Variants in SNX29 observed in about 807,000 individuals in gnomAD.
The protein encoded by SNX29 is sorting nexin-29.
A neutral mutation model predicts 102.1 loss-of-function variants in SNX29; 78 were observed. The ratio of observed to expected loss-of-function variants is 0.76; its 90% CI spans 0.64 to 0.92. The LOEUF (loss-of-function observed/expected upper bound fraction) is 0.92. Among genes scored for constraint, SNX29 ranks in the 40% least tolerant of loss-of-function variants. The probability of loss-of-function intolerance (pLI) is 0.00; values close to 1 mark genes in which losing one functional copy is unlikely to be tolerated. For missense variants in SNX29, 1,280 were observed against 1,061.7 expected (o/e 1.21, Z -2.86); for synonymous variants, 580 against 414.5 (o/e 1.40, Z -4.85).
At chr16:12,199,823 AAATT>A (rs1472892132) in intron 14 of SNX29, 140 bp downstream of exon 14, 10 of 703,634 alleles carry the variant, frequency 1.4e-5, no homozygotes, top group South Asian at 4.0e-5. Context: ...GCGTTCCAGA[AAATT>A]AATCAGGTGG....
rs532209110 is a variant in SNX29, at chr16:12,486,560, T to C, written c.2178+8701T>C. 2.0e-5 allele frequency among the ~76,000 whole-genome samples: 3 copies of C among 152,388 alleles called. No individual in the cohort carries two copies. The South Asian group carries it at 6.2e-4, about 32-fold the overall frequency. On this transcript the variant is annotated intron_variant, in intron 19 of 20. Coordinates refer to ENST00000566228, the MANE Select transcript of SNX29 (RefSeq NM_032167.5). ...TCGCTTGGCAGCGTCAAGGCTGATA[T>C]CTGGGCCCAGGCAGGTGATCTGCCT...
intron 3 of SNX29, among the ~76,000 whole-genome samples, chr16:12,005,161 C>T (rs192965448): frequency 2.0e-5 from 3 of 152,272 alleles, no homozygotes; most frequent in South Asian, 2.1e-4. Context: ...TTGTGCCTGT[C>T]GTACATTAGA....
At chr16:12,326,153 C>T (rs530220764) in intron 15 of SNX29, among the ~76,000 whole-genome samples, 135 of 151,964 alleles carry the variant, frequency 8.9e-4, no homozygotes, top group African/African-American at 3.0e-3. Context: ...GGACTACATG[C>T]ACGTGCCACC....
intron 19 of SNX29, among the ~76,000 whole-genome samples, chr16:12,487,333 G>A (rs997870366): frequency 6.6e-6 from 1 of 152,218 alleles, no homozygotes; most frequent in Non-Finnish European, 1.5e-5. Context: ...CTCAAAGCCA[G>A]TGTTTCCATG....
Position 12,560,581 on chromosome 16 carries a change from C to T in SNX29, c.2319-7925C>T, listed in dbSNP as rs182408954. ...TCAGTGTGATTCCTTGGGGTCTGTC[C>T]ATCTGTACCTCTCATAAAGCAGCAA... On this transcript the variant is annotated intron_variant, in intron 20 of 20. Coordinates refer to ENST00000566228, the MANE Select transcript of SNX29 (RefSeq NM_032167.5). 4.5e-4 allele frequency among the ~76,000 whole-genome samples: 69 copies of T among 152,280 alleles called. 1 individual carries two copies. In the East Asian group the frequency reaches 9.6e-3, roughly 21 times the overall value.
rs142843002 is a variant in SNX29 at position 12,241,250 on chromosome 16, C to G, written c.1679-36683C>G. Among the ~76,000 whole-genome samples, 3 of 152,148 alleles carry G rather than the reference C, an allele frequency of 2.0e-5. No individual in the cohort carries two copies. In the East Asian group the frequency reaches 5.8e-4, roughly 29 times the overall value. On this transcript the variant is annotated intron_variant, in intron 14 of 20. Coordinates refer to ENST00000566228, the MANE Select transcript of SNX29 (RefSeq NM_032167.5). ...TCTTGTCTGGCATTGGCCTGGTAGTCTCTTAGAATTCATTGTTGTGAACAA... is the reference window on the plus strand; with the variant it reads ...TCTTGTCTGGCATTGGCCTGGTAGTGTCTTAGAATTCATTGTTGTGAACAA...
chr16:12,014,189 T>C (rs1227670995), intron 3 of SNX29, among the ~76,000 whole-genome samples: 1 of 152,144 alleles, frequency 6.6e-6, no homozygotes, highest in African/African-American at 2.4e-5. Context: ...CCATTGACTA[T>C]TGGCTTCATG....
intron 20 of SNX29, among the ~76,000 whole-genome samples, chr16:12,556,933 G>A (rs2078394296): frequency 1.8e-5 from 1 of 55,746 alleles, no homozygotes; most frequent in Admixed American, 1.3e-4. Context: ...GCTCACTACA[G>A]CCTCTGCCGC....
At chr16:12,494,045 G>T (rs2088684146) in intron 19 of SNX29, among the ~76,000 whole-genome samples, 1 of 152,024 alleles carries the variant, frequency 6.6e-6, no homozygotes, top group Non-Finnish European at 1.5e-5. Context: ...TTGTTTCTAG[G>T]ATCATTTTAT....
chr16:12,402,840 C>T (rs1228992755), intron 17 of SNX29, among the ~76,000 whole-genome samples: 3 of 152,130 alleles, frequency 2.0e-5, no homozygotes, highest in Admixed American at 6.6e-5. Flanking sequence ...GGTATTTGTA[C>T]CCATCAGCCT....
chr16:12,280,304 C>T (rs1358577781), intron 15 of SNX29, among the ~76,000 whole-genome samples: 2 of 152,176 alleles, frequency 1.3e-5, no homozygotes, highest in African/African-American at 2.4e-5. Flanking sequence ...TGTCACCACC[C>T]GCTTTGCTTT....
At chr16:12,455,911 C>A (rs1309728039) in intron 18 of SNX29, among the ~76,000 whole-genome samples, 1 of 152,168 alleles carries the variant, frequency 6.6e-6, no homozygotes, top group Non-Finnish European at 1.5e-5. Flanking sequence ...ACCCATCTAG[C>A]ACCCGTTGGG....
Position 12,078,874 on chromosome 16 carries a change from G to T in SNX29, c.1361G>T (p.Ser454Ile), listed in dbSNP as rs1457949097. Reference protein sequence around the residue: ...SSPGHGSPLSSLLPSASVPES... With the variant: ...SSPGHGSPLSILLPSASVPES... Reference sequence around the variant, plus strand: ...CCAGGCCACGGAAGTCCTCTGAGCAGCCTGTTACCTTCTGCCTCAGTGCCA... The same window carrying T: ...CCAGGCCACGGAAGTCCTCTGAGCATCCTGTTACCTTCTGCCTCAGTGCCA... Residue 454 changes from serine to isoleucine, a missense_variant, in exon 11 of 21, where the codon AGC becomes ATC. Coordinates refer to ENST00000566228, the MANE Select transcript of SNX29 (RefSeq NM_032167.5). 6.2e-7 allele frequency: 1 copy of T among 1,607,226 alleles called. No individual in the cohort carries two copies. The highest frequency in any genetic ancestry group is 1.7e-5 in the Admixed American group (1 of 58,988).
chr16:12,119,838 A>C (rs1400503058), intron 11 of SNX29, among the ~76,000 whole-genome samples: 1 of 152,242 alleles, frequency 6.6e-6, no homozygotes, highest in Non-Finnish European at 1.5e-5. Flanking sequence ...TCATTCAGAC[A>C]GCAAGTGTAA....
chr16:12,393,764 ATTGT>A (rs1278604091), intron 16 of SNX29, among the ~76,000 whole-genome samples: 1 of 152,244 alleles, frequency 6.6e-6, no homozygotes, highest in Admixed American at 6.5e-5. Context: ...TGCTTCGCAG[ATTGT>A]TTGAAGATTA....
intron 16 of SNX29, among the ~76,000 whole-genome samples, chr16:12,365,766 G>C (rs907915067): frequency 1.3e-5 from 2 of 151,294 alleles, no homozygotes; most frequent in Non-Finnish European, 2.9e-5. Flanking sequence ...CAGTGGGCCG[G>C]GCGCGGTGGC....
chr16:12,197,647 G>T (rs1383375874), intron 13 of SNX29, among the ~76,000 whole-genome samples: 1 of 152,184 alleles, frequency 6.6e-6, no homozygotes, highest in African/African-American at 2.4e-5. Context: ...AACATTTTAA[G>T]GACTTGTTAT....
chr16:12,187,270 T>C (rs953541665), intron 13 of SNX29, among the ~76,000 whole-genome samples: 4 of 152,174 alleles, frequency 2.6e-5, no homozygotes, highest in Admixed American at 1.3e-4. Flanking sequence ...CTGAAAGATA[T>C]GTTATAGAGC....
At chr16:12,397,527 T>A (rs2083764185) in intron 16 of SNX29, among the ~76,000 whole-genome samples, 2 of 152,174 alleles carry the variant, frequency 1.3e-5, no homozygotes, top group African/African-American at 4.8e-5. Context: ...AAATTCAGTG[T>A]TCTCTTTTTT....
Sources: allele counts gnomAD v4.1 joint callset (sites outside exome capture counted in the v4.1 genomes callset), GRCh38; gene constraint gnomAD v4.1.1; transcripts MANE v1.5; gene names NCBI Gene and HGNC (gene_info 2026-07-23, HGNC 2026-07-21).